The following B3GAT2 variants were observed in gnomAD, a reference collection of about 807,000 sequenced individuals.
The protein encoded by B3GAT2 is beta-1,3-glucuronyltransferase 2, also known as galactosylgalactosylxylosylprotein 3-beta-glucuronosyltransferase 2.
A neutral mutation model predicts 27.8 loss-of-function variants in B3GAT2; 26 were observed. The ratio of observed to expected loss-of-function variants is 0.93; its 90% CI spans 0.68 to 1.30. The LOEUF (loss-of-function observed/expected upper bound fraction) is 1.30, where lower values mean the gene tolerates loss of function less well. B3GAT2 is among the 50% of genes most tolerant of loss of function. The probability of loss-of-function intolerance (pLI) is 0.00; values close to 1 mark genes in which losing one functional copy is unlikely to be tolerated. For missense variants in B3GAT2, 458 were observed against 459.0 expected, an observed-to-expected ratio of 1.00 and a Z score of 0.02; for synonymous variants, 218 against 195.1, an observed-to-expected ratio of 1.12 and a Z score of -0.98.
chr6:70,872,780 C>A (rs1771958478), intron 2 of B3GAT2, among the ~76,000 whole-genome samples: 1 of 151,730 alleles, frequency 6.6e-6, no homozygotes, highest in Admixed American at 6.6e-5. Context: ...CTATTACTGC[C>A]TTCTTTATTA....
intron 1 of B3GAT2, among the ~76,000 whole-genome samples, chr6:70,902,643 C>T (rs200229583): frequency 0.062 from 4,870 of 78,582 alleles, 110 homozygotes; most frequent in Middle Eastern, 0.099. Flanking sequence ...TATATACACA[C>T]ACACACACAC....
chr6:70,875,306 C>T lies in B3GAT2; in HGVS notation c.737-13328G>A, dbSNP rs9446302. Among the ~76,000 whole-genome samples the T allele has an allele frequency of 9.1e-3, 1,392 of 152,196 alleles. 16 individuals carry two copies. Among genetic ancestry groups the T allele is most frequent in the African/African-American group, 0.032 (1,319 of 41,510 alleles). ...TTCCCCTGGCCCTGTACTTTCCAGC[C>T]CTGGCATCTCAAAACTATCCAAGTG... On this transcript the variant is annotated intron_variant, in intron 2 of 3. Coordinates refer to ENST00000230053, the MANE Select transcript of B3GAT2 (RefSeq NM_080742.3).
In B3GAT2 at chr6:70,916,991, G is replaced by A. The variant is rs113099982; in HGVS notation, c.592-22719C>T. Reference sequence around the variant, plus strand: ...AGGAATGGTACTAGCTCCTCTTTGTGCCCCTGGTAGAATTTGGCTGTGAGT... The same window carrying A: ...AGGAATGGTACTAGCTCCTCTTTGTACCCCTGGTAGAATTTGGCTGTGAGT... On this transcript the variant is annotated intron_variant, in intron 1 of 3. Coordinates refer to ENST00000230053, the MANE Select transcript of B3GAT2 (RefSeq NM_080742.3). Among the ~76,000 whole-genome samples, 1,416 of 152,046 alleles carry A rather than the reference G, an allele frequency of 9.3e-3. 11 individuals carry two copies. Among genetic ancestry groups the A allele is most frequent in the Middle Eastern group, 0.048 (14 of 294 alleles).
At chr6:70,896,698 T>C (rs1307260810) in intron 1 of B3GAT2, among the ~76,000 whole-genome samples, 2 of 152,072 alleles carry the variant, frequency 1.3e-5, no homozygotes, top group African/African-American at 2.4e-5. Context: ...TCATTTGGCA[T>C]AGTTATAAAG....
intron 2 of B3GAT2, among the ~76,000 whole-genome samples, chr6:70,871,680 G>T (rs2504753): frequency 0.4 from 60,775 of 151,482 alleles, 12,688 homozygotes; most frequent in Middle Eastern, 0.45. Context: ...ACATTTTTAT[G>T]GATTTTCTTA....
chr6:70,919,593 G>A (rs1274251163), intron 1 of B3GAT2, among the ~76,000 whole-genome samples: 4 of 152,172 alleles, frequency 2.6e-5, no homozygotes, highest in African/African-American at 9.7e-5. Flanking sequence ...TCGTGTGGAT[G>A]TCCTTTTTGC....
intron 2 of B3GAT2, among the ~76,000 whole-genome samples, chr6:70,873,737 C>CA (rs1327773697): frequency 6.6e-6 from 1 of 151,790 alleles, no homozygotes; most frequent in East Asian, 1.9e-4. Flanking sequence ...CATTTTTCGT[C>CA]ATTCTTTTTT....
chr6:70,955,559 G>A (rs1765640607), intron 1 of B3GAT2, among the ~76,000 whole-genome samples: 1 of 152,066 alleles, frequency 6.6e-6, no homozygotes, highest in Non-Finnish European at 1.5e-5. Context: ...TCACACCTGT[G>A]CTATTCTCTT....
chr6:70,890,968 C>T (rs750526677), intron 2 of B3GAT2, among the ~76,000 whole-genome samples: 8 of 152,256 alleles, frequency 5.3e-5, no homozygotes, highest in African/African-American at 1.2e-4. Flanking sequence ...AACAAATCTA[C>T]ACCTCCTGGT....
intron 1 of B3GAT2, among the ~76,000 whole-genome samples, chr6:70,917,822 T>C (rs565363718): frequency 6.6e-6 from 1 of 152,234 alleles, no homozygotes; most frequent in Non-Finnish European, 1.5e-5. Context: ...TCCAATTATG[T>C]GGTCAATTTT....
Position 70,956,025 on chromosome 6 carries a change from C to A in B3GAT2, c.405G>T (p.Leu135=). ...LVSRFLARAG[L]PSTHLHVPTP... is the part of the protein sequence containing the mutation. ...TGGGCACGTGCAGGTGAGTGCTGGG[C>A]AGCCCGGCCCGCGCCAGGAAGCGGC... Residue 135 remains leucine, a synonymous_variant, in exon 1 of 4, where the codon CTG becomes CTT. Coordinates refer to ENST00000230053, the MANE Select transcript of B3GAT2 (RefSeq NM_080742.3). The A allele has an allele frequency of 6.5e-7, 1 of 1,534,590 alleles. No homozygotes were observed. The highest frequency in any genetic ancestry group is 1.2e-5 in the South Asian group (1 of 80,074).
intron 2 of B3GAT2, among the ~76,000 whole-genome samples, chr6:70,886,082 G>A (rs1432351551): frequency 6.6e-6 from 1 of 152,210 alleles, no homozygotes; most frequent in African/African-American, 2.4e-5. Context: ...TGCACGTGAT[G>A]TCTGATTTTG....
chr6:70,889,176 G>C (rs994551201), intron 2 of B3GAT2, among the ~76,000 whole-genome samples: 1 of 152,132 alleles, frequency 6.6e-6, no homozygotes, highest in Non-Finnish European at 1.5e-5. Context: ...CTGGGAGTCA[G>C]AGGTGACTCT....
chr6:70,935,955 G>C (rs1002032851), intron 1 of B3GAT2, among the ~76,000 whole-genome samples: 2 of 151,354 alleles, frequency 1.3e-5, no homozygotes, highest in Non-Finnish European at 2.9e-5. Context: ...GACACAGACT[G>C]GCAAATTGGA....
chr6:70,919,937 C>A (rs1446217501), intron 1 of B3GAT2, among the ~76,000 whole-genome samples: 1 of 152,184 alleles, frequency 6.6e-6, no homozygotes, highest in Non-Finnish European at 1.5e-5. Flanking sequence ...TTCTTCAGAG[C>A]TGTCAGGCAG....
chr6:70,925,699 T>C (rs1163230172), intron 1 of B3GAT2, among the ~76,000 whole-genome samples: 2 of 152,238 alleles, frequency 1.3e-5, no homozygotes, highest in East Asian at 3.8e-4. Context: ...TGCCTGCCTC[T>C]GTAGACTCCA....
At chr6:70,885,435 T>C (rs936202698) in intron 2 of B3GAT2, among the ~76,000 whole-genome samples, 2 of 152,192 alleles carry the variant, frequency 1.3e-5, no homozygotes, top group African/African-American at 4.8e-5. Context: ...AACAACTCTT[T>C]AATGATCTTT....
intron 1 of B3GAT2, among the ~76,000 whole-genome samples, chr6:70,954,868 G>A (rs1428993444): frequency 6.8e-6 from 1 of 147,412 alleles, no homozygotes; most frequent in African/African-American, 2.5e-5. Context: ...CAAGATACCA[G>A]CCTCAAGGAA....
intron 2 of B3GAT2, among the ~76,000 whole-genome samples, chr6:70,889,373 C>T (rs1357354040): frequency 7.2e-5 from 11 of 152,108 alleles, no homozygotes; most frequent in Admixed American, 5.2e-4. Flanking sequence ...TGCCGCATTT[C>T]TTAAGAGTTG....
Sources: allele counts gnomAD v4.1 joint callset (sites outside exome capture counted in the v4.1 genomes callset), GRCh38; gene constraint gnomAD v4.1.1; transcripts MANE v1.5; gene names NCBI Gene and HGNC (gene_info 2026-07-23, HGNC 2026-07-21).